VIRMA: variants seen among roughly 807,000 people sequenced by gnomAD.
VIRMA encodes vir like m6A methyltransferase associated.
VIRMA carries 65 observed loss-of-function variants against 182.4 expected under a neutral mutation model. The ratio of observed to expected loss-of-function variants is 0.36; its 90% CI spans 0.29 to 0.44. The LOEUF is 0.44. VIRMA is among the 20% of genes least tolerant of loss of function. The pLI is 1.00. For synonymous variants in VIRMA, 709 were observed against 743.1 expected, an observed-to-expected ratio of 0.95 and a Z score of 0.75; for missense variants, 1,752 against 2,158.1, an observed-to-expected ratio of 0.81 and a Z score of 3.73.
At chr8:94,550,393 C>T (rs10441537) in intron 1 of VIRMA, among the ~76,000 whole-genome samples, 6,102 of 151,606 alleles carry the variant, frequency 0.04, 133 homozygotes, top group Non-Finnish European at 0.05. Flanking sequence ...CCCGGGTTCA[C>T]GCCATTCTCC....
Position 94,538,363 on chromosome 8 carries a change from G to GGCTGATGTTTCAACTTTGT in VIRMA, c.180-18_180-17insACAAAGTTGAAACATCAGC. 1.3e-6 allele frequency: 2 copies of GGCTGATGTTTCAACTTTGT among 1,489,374 alleles called. No homozygotes were observed. Among genetic ancestry groups the GGCTGATGTTTCAACTTTGT allele is most frequent in the Non-Finnish European group, 1.9e-6 (2 of 1,067,536 alleles). 92.3% of individuals were successfully genotyped at this position (1,489,374 alleles called of 1,614,324 possible). A position where few individuals can be genotyped will look rare whatever the true frequency, so the allele number is the denominator to read the frequency against. On this transcript the variant is annotated splice_polypyrimidine_tract_variant and intron_variant, in intron 2 of 23. Coordinates refer to ENST00000297591, the MANE Select transcript of VIRMA (RefSeq NM_015496.5). ...GATGTCTCTCTGTAAATGAAACAAA[G>GGCTGATGTTTCAACTTTGT]TTGAAACATCAGCCTTTGTAACAAA... is the stretch of plus-strand genomic sequence containing the variant.
In VIRMA at chr8:94,531,039, T is replaced by C. The variant is rs1815156274; in HGVS notation, c.531A>G (p.Pro177=). Residue 177 remains proline (P), a synonymous_variant, in exon 6 of 24, where the codon CCA becomes CCG. Transcript: ENST00000297591. The part of the protein sequence containing the change: ...EDQFNGSPPR[P]QPRGPRTPPG... ...GAGGAGTTCTTGGTCCCCTTGGCTG[T>C]GGTCTTGGAGGGCTTCCATTAAACT... 2 of 1,600,080 alleles carry C rather than the reference T, an allele frequency of 1.2e-6. No individual in the cohort carries two copies. The highest frequency in any genetic ancestry group is 1.4e-5 in the African/African-American group (1 of 73,922).
intron 23 of VIRMA, 77 bp downstream of exon 23, chr8:94,489,862 T>C: frequency 6.7e-7 from 1 of 1,490,958 alleles, no homozygotes; most frequent in Non-Finnish European, 9.1e-7. Flanking sequence ...TAGCCCCCTC[T>C]GTATATGATA....
In VIRMA at chr8:94,495,631, T is replaced by TTAA. The variant is rs1813746622; in HGVS notation, c.4544+99_4544+100insTTA. 95 of 796,866 alleles carry TTAA rather than the reference T, an allele frequency of 1.2e-4. 1 individual carries two copies. In the South Asian group the frequency reaches 1.9e-3, roughly 16 times the overall value. The allele number at this position is 796,866 out of a possible 1,614,324, so 49.4% of individuals were successfully genotyped here. On this transcript the variant is annotated intron_variant, in intron 19 of 23. Transcript: ENST00000297591. ...GGCCTGCAAAGCCTAGAATTCTTAC[T>TTAA]ATCTGGCCCTTTATAGAAAAAAACG...
intron 11 of VIRMA, among the ~76,000 whole-genome samples, chr8:94,513,335 TCAAAA>T (rs199748166): frequency 3.4e-5 from 5 of 146,336 alleles, no homozygotes; most frequent in East Asian, 2.0e-4. Flanking sequence ...AGACTCCATC[TCAAAA>T]CAAAACAAAA....
At chr8:94,539,404 C>G (rs1473779687) in intron 2 of VIRMA, among the ~76,000 whole-genome samples, 2 of 152,046 alleles carry the variant, frequency 1.3e-5, no homozygotes, top group Non-Finnish European at 2.9e-5. Context: ...AATATCAGAG[C>G]CTATTTAATT....
At chr8:94,496,158 A>C (rs1433963379) in intron 18 of VIRMA, 170 bp downstream of exon 18, 1 of 666,676 alleles carries the variant, frequency 1.5e-6, no homozygotes, top group East Asian at 2.8e-5. Context: ...TAAAATTCAT[A>C]ACAGGATGGA....
intron 10 of VIRMA, among the ~76,000 whole-genome samples, chr8:94,516,969 C>T (rs1054699808): frequency 6.6e-6 from 1 of 152,142 alleles, no homozygotes; most frequent in Non-Finnish European, 1.5e-5. Context: ...TAATTTAAAA[C>T]TTATGATTAG....
At chr8:94,508,460 C>T (rs112408652) in intron 15 of VIRMA, among the ~76,000 whole-genome samples, 6,076 of 152,156 alleles carry the variant, frequency 0.04, 132 homozygotes, top group Non-Finnish European at 0.05. Flanking sequence ...ACTGCAAACT[C>T]GTATTCAACT....
At chr8:94,533,465 AG>A (rs918396412) in intron 5 of VIRMA, among the ~76,000 whole-genome samples, 15 of 152,054 alleles carry the variant, frequency 9.9e-5, no homozygotes, top group African/African-American at 3.6e-4. Context: ...TTTTTGAGAC[AG>A]GGTTTTGCTC....
chr8:94,550,950 G>A (rs1027093215), intron 1 of VIRMA, among the ~76,000 whole-genome samples: 9 of 151,810 alleles, frequency 5.9e-5, no homozygotes, highest in East Asian at 1.9e-4. Context: ...AACTCCTGAC[G>A]TCAGGCAATC....
intron 2 of VIRMA, 21 bp downstream of exon 2, chr8:94,543,806 T>C (rs1209000833): frequency 3.0e-6 from 4 of 1,324,694 alleles, no homozygotes; most frequent in Non-Finnish European, 4.3e-6. Flanking sequence ...AAAAATACTT[T>C]TAAAAAGAGA....
rs1813784614 is a variant in VIRMA, at chr8:94,496,547, T to G, written c.4231-67A>C. 5 of 1,300,902 alleles carry G rather than the reference T, an allele frequency of 3.8e-6. No individual in the cohort carries two copies. In the Admixed American group the frequency reaches 5.8e-5, roughly 15 times the overall value. 80.6% of individuals were successfully genotyped at this position (1,300,902 alleles called of 1,614,324 possible). ...TTTACAAAGATGCATCCACACTTAT[T>G]CATATTATCTAAGCCATATGCTGCA... is the stretch of plus-strand genomic sequence containing the variant. On this transcript the variant is annotated intron_variant, in intron 17 of 23. Coordinates refer to ENST00000297591, the MANE Select transcript of VIRMA (RefSeq NM_015496.5).
In VIRMA at chr8:94,509,742, A is replaced by G; in HGVS notation, c.3825T>C (p.Ile1275=). 1 of 1,614,022 alleles carries G rather than the reference A, an allele frequency of 6.2e-7. No individual in the cohort carries two copies. Among genetic ancestry groups the G allele is most frequent in the South Asian group, 1.1e-5 (1 of 91,076 alleles). The part of the protein sequence containing the change: ...ALVRSPGDSV[I]RQQCVEYVTS... ...TGACATATTCAACACACTGTTGGCG[A>G]ATAACACTGTCTCCAGGAGACCGCA... The change falls in exon 15 of 24, where the codon ATT becomes ATC. Residue 1275 remains isoleucine, a synonymous_variant. Coordinates refer to ENST00000297591, the MANE Select transcript of VIRMA (RefSeq NM_015496.5).
chr8:94,502,935 A>G (rs916568503), intron 16 of VIRMA, among the ~76,000 whole-genome samples: 1 of 152,200 alleles, frequency 6.6e-6, no homozygotes, highest in Admixed American at 6.5e-5. Flanking sequence ...CAGAGTTGGA[A>G]TAAGATGAAC....
chr8:94,544,428 T>G (rs1815687258), intron 1 of VIRMA, among the ~76,000 whole-genome samples: 1 of 151,874 alleles, frequency 6.6e-6, no homozygotes, highest in Non-Finnish European at 1.5e-5. Flanking sequence ...ATCCCAGCAC[T>G]TTGGGAGGCC....
rs145407624 is a variant in VIRMA, at chr8:94,525,140, G to A, written c.2021+1083C>T. ...CCCCCAAAGGGATTAAAGGGTGCTC[G>A]GACCACAAGCAGGAACAGCTCAGAA... On this transcript the variant is annotated intron_variant, in intron 8 of 23. Coordinates refer to ENST00000297591, the MANE Select transcript of VIRMA (RefSeq NM_015496.5). Among the ~76,000 whole-genome samples the A allele has an allele frequency of 3.9e-4, 60 of 152,260 alleles. 1 individual carries two copies. Among genetic ancestry groups the A allele is most frequent in the African/African-American group, 1.4e-3 (58 of 41,544 alleles).
At position 94,529,140 on chromosome 8, in the gene VIRMA, T is replaced by G. The variant is rs143262478; in HGVS notation, c.810A>C (p.Thr270=). Residue 270 remains threonine, a synonymous_variant, in exon 7 of 24, where the codon ACA becomes ACC. Transcript: ENST00000297591. ...CTTCCTCCTCAGGAATACTGTCTAC[T>G]GTTCGTCGATCATCCTCATCCTCAT... is the stretch of plus-strand genomic sequence containing the variant. ...EEDEDEDDRR[T]VDSIPEEEEE... 42 of 1,451,364 alleles carry G rather than the reference T, an allele frequency of 2.9e-5. No individual in the cohort carries two copies. Among genetic ancestry groups the G allele is most frequent in the Non-Finnish European group, 5.8e-6 (6 of 1,032,868 alleles). The allele number at this position is 1,451,364 out of a possible 1,614,324, so 89.9% of individuals were successfully genotyped here.
chr8:94,511,760 C>G, intron 12 of VIRMA, 31 bp from the exon 13 acceptor site: 12 of 1,481,056 alleles, frequency 8.1e-6, no homozygotes, highest in Non-Finnish European at 1.1e-5. Flanking sequence ...AGAAACAAAA[C>G]TAATTACTTA....
Sources: gnomAD v4.1 joint callset for allele counts (sites outside exome capture counted in the v4.1 genomes callset) on GRCh38, gnomAD v4.1.1 for gene constraint, MANE v1.5 for transcripts, NCBI Gene and HGNC (gene_info 2026-07-23, HGNC 2026-07-21) for gene names.